Variants in OVCH2 observed in about 807,000 individuals in gnomAD.
The protein encoded by OVCH2 is ovochymase-2.
In OVCH2, 88 loss-of-function variants were observed where a neutral mutation model predicts 73.7. The ratio of observed to expected loss-of-function variants is 1.19; its 90% CI spans 1.01 to 1.43. The LOEUF (loss-of-function observed/expected upper bound fraction) is 1.43, where lower values mean the gene tolerates loss of function less well. Among genes scored for constraint, OVCH2 ranks in the 40% most tolerant of loss-of-function variants. The pLI is 0.00. For missense variants in OVCH2, 706 were observed against 674.5 expected (o/e 1.05, Z -0.52); for synonymous variants, 265 against 234.5 (o/e 1.13, Z -1.19).
At chr11:7,704,289 CT>C (rs1856494535) in intron 2 of OVCH2, among the ~76,000 whole-genome samples, 1 of 152,250 alleles carries the variant, frequency 6.6e-6, no homozygotes, top group East Asian at 1.9e-4. Flanking sequence ...TATTTGACCC[CT>C]ATAGCTTCTT....
At chr11:7,680,099 T>A in the OVCH2 span, among the ~76,000 whole-genome samples, 1 of 152,162 alleles carries the variant, frequency 6.6e-6, no homozygotes, top group Non-Finnish European at 1.5e-5. Flanking sequence ...CTCCAGCAAA[T>A]TAATCTAATC....
the OVCH2 span, among the ~76,000 whole-genome samples, chr11:7,681,117 A>G: frequency 6.6e-6 from 1 of 152,194 alleles, no homozygotes; most frequent in Non-Finnish European, 1.5e-5. Context: ...TCCTGAACAA[A>G]GAGGCTCGGA....
intron 15 of OVCH2, 150 bp downstream of exon 15, chr11:7,689,774 A>G (rs529235247): frequency 6.5e-5 from 45 of 694,384 alleles, no homozygotes; most frequent in Admixed American, 4.2e-4. Flanking sequence ...TAACAACCCT[A>G]TCTCTAAATA....
intron 6 of OVCH2, among the ~76,000 whole-genome samples, chr11:7,701,054 A>G (rs1856428499): frequency 6.6e-6 from 1 of 152,150 alleles, no homozygotes; most frequent in Admixed American, 6.5e-5. Context: ...CCTTCTTTCC[A>G]GATTCCTGCC....
rs10839849 is a variant in OVCH2, at chr11:7,700,323, G to T, written c.874C>A (p.Pro292Thr). The part of the protein sequence containing the change: ...GIFTDISKVL[P>T]WIHEHIQTGN... ...GTTTGGATGTGTTCGTGGATCCAGG[G>T]AAGCACTTTACTAATGTCTGTGAAG... Residue 292 changes from proline (P) to threonine (T), a missense_variant, in exon 7 of 16, where the codon CCC becomes ACC. Pro to Thr is a conservative substitution (Grantham distance 38). Coordinates refer to ENST00000533663, the MANE Select transcript of OVCH2 (RefSeq NM_198185.7). 9.9e-6 allele frequency: 16 copies of T among 1,613,654 alleles called. No homozygotes were observed. Among genetic ancestry groups the T allele is most frequent in the East Asian group, 2.2e-5 (1 of 44,858 alleles).
At chr11:7,691,227 T>C in intron 14 of OVCH2, 42 bp downstream of exon 14, 1 of 1,560,670 alleles carries the variant, frequency 6.4e-7, no homozygotes, top group East Asian at 2.4e-5. Context: ...ATCACAAGGA[T>C]TAGAACTGGG....
intron 10 of OVCH2, among the ~76,000 whole-genome samples, chr11:7,695,996 T>TG (rs1167100552): frequency 2.0e-5 from 3 of 152,194 alleles, no homozygotes; most frequent in African/African-American, 7.2e-5. Context: ...TCCTGAGGGT[T>TG]GGGGGTACAA....
intron 5 of OVCH2, 109 bp downstream of exon 5, chr11:7,701,607 G>A (rs1856438980): frequency 6.8e-7 from 1 of 1,466,840 alleles, no homozygotes; most frequent in African/African-American, 1.5e-5. Flanking sequence ...CCTATCTTTA[G>A]AAATGTATGC....
chr11:7,691,657 C>T (rs1039806110), intron 13 of OVCH2, among the ~76,000 whole-genome samples: 1 of 152,162 alleles, frequency 6.6e-6, no homozygotes, highest in Non-Finnish European at 1.5e-5. Flanking sequence ...TTCAATGGAA[C>T]TTTCCCTTTC....
At chr11:7,683,268 C>T in the OVCH2 span, among the ~76,000 whole-genome samples, 10 of 152,200 alleles carry the variant, frequency 6.6e-5, no homozygotes, top group East Asian at 3.9e-4. Flanking sequence ...TGGTATCTAC[C>T]GCTCCCCGCC....
In OVCH2 at chr11:7,701,705, C is replaced by A; in HGVS notation, c.559+11G>T. On this transcript the variant is annotated intron_variant, in intron 5 of 15. Transcript: ENST00000533663. ...ACCTCTGCTTAAGAGGAATGGCACA[C>A]AAGTTCTTACCTTCAGTTAAGCGGC... The A allele has an allele frequency of 6.2e-7, 1 of 1,607,990 alleles. No individual in the cohort carries two copies. Among genetic ancestry groups the A allele is most frequent in the Non-Finnish European group, 8.5e-7 (1 of 1,176,926 alleles).
chr11:7,698,138 T>A (rs915685794), intron 8 of OVCH2, among the ~76,000 whole-genome samples: 1 of 152,220 alleles, frequency 6.6e-6, no homozygotes, highest in African/African-American at 2.4e-5. Context: ...AGTTGCAGCT[T>A]CAAAGATGTC....
intron 8 of OVCH2, 64 bp downstream of exon 8, chr11:7,698,686 G>T: frequency 6.5e-7 from 1 of 1,542,140 alleles, no homozygotes; most frequent in Non-Finnish European, 8.9e-7. Flanking sequence ...TTCAGGAACT[G>T]ATATTCAGAA....
intron 8 of OVCH2, 130 bp downstream of exon 8, chr11:7,698,620 G>T: frequency 1.2e-6 from 1 of 864,362 alleles, no homozygotes; most frequent in Non-Finnish European, 1.8e-6. Flanking sequence ...GGCTGTAGGT[G>T]CTCCAGGTGG....
downstream of OVCH2, among the ~76,000 whole-genome samples, chr11:7,686,020 T>A (rs1856138594): frequency 6.6e-6 from 1 of 152,206 alleles, no homozygotes. Flanking sequence ...GCTAACAGGA[T>A]TTTTCAGATA....
chr11:7,699,569 A>T (rs1856396383), intron 7 of OVCH2: 1 of 152,078 alleles, frequency 6.6e-6, no homozygotes, highest in Non-Finnish European at 1.5e-5. Flanking sequence ...TTGTACTGTT[A>T]TTTTTATTGT....
Position 7,700,380 on chromosome 11 carries a change from C to G in OVCH2, c.817G>C (p.Val273Leu). Residue 273 changes from valine (V) to leucine (L), a missense_variant, in exon 7 of 16, where the codon GTG (valine) becomes CTG (leucine). Val to Leu is a conservative substitution (Grantham distance 32). Transcript: ENST00000533663. ...LGCGRGWRNN[V>L]RKSDQGSPGI... ...GGGGATCCTTGATCACTTTTCCTCACATTGTTTCTCCAGCCTCGACCACAG... is the reference window on the plus strand; with the variant it reads ...GGGGATCCTTGATCACTTTTCCTCAGATTGTTTCTCCAGCCTCGACCACAG... 1.2e-6 allele frequency: 2 copies of G among 1,613,642 alleles called. No individual in the cohort carries two copies. The highest frequency in any genetic ancestry group is 1.7e-6 in the Non-Finnish European group (2 of 1,179,786).
chr11:7,684,063 A>T, the OVCH2 span, among the ~76,000 whole-genome samples: 2 of 151,306 alleles, frequency 1.3e-5, no homozygotes, highest in African/African-American at 4.9e-5. Flanking sequence ...TTTGCTTATT[A>T]TCTGCTTCCC....
rs59447855 is a variant in OVCH2 at position 7,701,872 on chromosome 11, C to T, written c.464-61G>A. On this transcript the variant is annotated intron_variant, in intron 4 of 15. Coordinates refer to ENST00000533663, the MANE Select transcript of OVCH2 (RefSeq NM_198185.7). Reference sequence around the variant, plus strand: ...ATGGAGGAGAGGACACTATAAGCCACTCACCACTTGGTATCCAGGTGGTCC... The same window carrying T: ...ATGGAGGAGAGGACACTATAAGCCATTCACCACTTGGTATCCAGGTGGTCC... 6.1e-5 allele frequency: 86 copies of T among 1,411,456 alleles called. 1 individual carries two copies. In the East Asian group the frequency reaches 1.5e-3, roughly 25 times the overall value. 87.4% of individuals were successfully genotyped at this position (1,411,456 alleles called of 1,614,324 possible).
Sources: allele counts gnomAD v4.1 joint callset (sites outside exome capture counted in the v4.1 genomes callset), GRCh38; gene constraint gnomAD v4.1.1; transcripts MANE v1.5; gene names NCBI Gene and HGNC (gene_info 2026-07-23, HGNC 2026-07-21).